CCDC33: variants seen among roughly 807,000 people sequenced by gnomAD.
CCDC33 encodes coiled-coil domain-containing protein 33.
Under a neutral mutation model 91.9 loss-of-function variants are expected in CCDC33, and 94 were observed. The ratio of observed to expected loss-of-function variants is 1.02; its 90% CI spans 0.87 to 1.21. CCDC33 has a LOEUF of 1.21. Among genes scored for constraint, CCDC33 ranks in the 50% most tolerant of loss-of-function variants. The pLI, the probability that CCDC33 is intolerant of heterozygous loss-of-function variation, is 0.00. For synonymous variants in CCDC33, 396 were observed against 374.5 expected (o/e 1.06, Z -0.66); for missense variants, 940 against 935.5 (o/e 1.00, Z -0.06).
chr15:74,268,387 T>A lies in CCDC33; in HGVS notation c.475T>A (p.Leu159Met), dbSNP rs572128186. ...KADEATAKTQLYATVVRKSSF... is the reference protein window; with the variant it reads ...KADEATAKTQMYATVVRKSSF... ...CGATGAAGCCACTGCCAAGACCCAG[T>A]TGTACGCAACAGTCGTTCGGAAGAG... Residue 159 changes from leucine (L) to methionine (M), a missense_variant, in exon 5 of 19, where the codon TTG becomes ATG. Leu to Met is a conservative substitution (Grantham distance 15). Coordinates refer to ENST00000398814, the MANE Select transcript of CCDC33 (RefSeq NM_025055.5). 10 of 1,613,980 alleles carry A rather than the reference T, an allele frequency of 6.2e-6. No homozygotes were observed. The African/African-American group carries it at 8.0e-5, about 13-fold the overall frequency.
chr15:74,221,224 T>TTTG, intron 2 of CCDC33: 1 of 967,174 alleles, frequency 1.0e-6, no homozygotes, highest in South Asian at 4.9e-5. Flanking sequence ...TGGTTTTTTT[T>TTTG]TTTTTTTTTT....
chr15:74,290,067 C>G (rs956698940), intron 10 of CCDC33, among the ~76,000 whole-genome samples: 3 of 152,200 alleles, frequency 2.0e-5, no homozygotes, highest in African/African-American at 7.2e-5. Flanking sequence ...GGATTTCCCC[C>G]CTTCTGAAAA....
chr15:74,253,739 TAGAG>T (rs1400326782), intron 2 of CCDC33, among the ~76,000 whole-genome samples: 1 of 152,134 alleles, frequency 6.6e-6, no homozygotes, highest in Non-Finnish European at 1.5e-5. Flanking sequence ...TGTGATGCAA[TAGAG>T]AGAGGAAGCA....
downstream of CCDC33, chr15:74,336,338 C>A (rs1371953794): frequency 7.3e-7 from 1 of 1,368,760 alleles, no homozygotes; most frequent in Non-Finnish European, 9.6e-7. Flanking sequence ...AAGCAGGGGC[C>A]AGGGAGACGG....
intron 16 of CCDC33, chr15:74,333,407 A>G: frequency 1.0e-6 from 1 of 965,622 alleles, no homozygotes; most frequent in Admixed American, 2.0e-5. Flanking sequence ...CATAAACCCC[A>G]AAGCAGAACA....
chr15:74,280,064 G>A lies in CCDC33; in HGVS notation c.861G>A (p.Leu287=), dbSNP rs1442369798. The A allele has an allele frequency of 6.2e-7, 1 of 1,614,002 alleles. No homozygotes were observed. Among genetic ancestry groups the A allele is most frequent in the African/African-American group, 1.3e-5 (1 of 74,920 alleles). ...CCAGCTTCTCAGAAGACACAGCCCT[G>A]GTGCTGGAGTACTACTCCTCAACTT... ...GATSFSEDTA[L]VLEYYSSTSM... is the part of the protein sequence containing the mutation. Residue 287 remains leucine, a synonymous_variant, in exon 8 of 19, where the codon CTG becomes CTA. Transcript: ENST00000398814.
At chr15:74,278,375 G>C (rs1401895941) in intron 7 of CCDC33, among the ~76,000 whole-genome samples, 1 of 152,274 alleles carries the variant, frequency 6.6e-6, no homozygotes, top group Non-Finnish European at 1.5e-5. Context: ...ACTGATTCCT[G>C]TGGGGGAGCA....
intron 11 of CCDC33, among the ~76,000 whole-genome samples, chr15:74,307,213 G>A (rs966054027): frequency 4.6e-5 from 7 of 152,180 alleles, no homozygotes; most frequent in African/African-American, 1.4e-4. Context: ...AACCAGGAGC[G>A]ACTGGGAGAA....
At chr15:74,317,736 G>A (rs957066956) in intron 11 of CCDC33, among the ~76,000 whole-genome samples, 4 of 152,206 alleles carry the variant, frequency 2.6e-5, no homozygotes, top group African/African-American at 9.6e-5. Flanking sequence ...GGGACAGACA[G>A]GCTGAACCCA....
chr15:74,330,490 C>A, intron 12 of CCDC33, 136 bp downstream of exon 12: 1 of 1,139,826 alleles, frequency 8.8e-7, no homozygotes, highest in Non-Finnish European at 1.2e-6. Flanking sequence ...CCCTCGCCCA[C>A]AGACACTCAC....
intron 1 of CCDC33, among the ~76,000 whole-genome samples, chr15:74,242,952 C>G (rs2075394999): frequency 6.6e-6 from 1 of 152,202 alleles, no homozygotes; most frequent in Non-Finnish European, 1.5e-5. Context: ...TCCACTCCTG[C>G]ACCTTCTCCC....
intron 11 of CCDC33, among the ~76,000 whole-genome samples, chr15:74,313,698 A>G (rs2060037141): frequency 6.6e-6 from 1 of 152,132 alleles, no homozygotes; most frequent in African/African-American, 2.4e-5. Flanking sequence ...AGGGCTATGA[A>G]TGCTGAGCTG....
chr15:74,227,959 AC>A (rs2074852195), intron 2 of CCDC33, among the ~76,000 whole-genome samples: 1 of 151,138 alleles, frequency 6.6e-6, no homozygotes, highest in Non-Finnish European at 1.5e-5. Context: ...CCTGGAAGCC[AC>A]CCTGATTCAC....
chr15:74,208,863 T>C, intron 1 of CCDC33: 1 of 989,630 alleles, frequency 1.0e-6, no homozygotes, highest in Non-Finnish European at 1.2e-6. Flanking sequence ...TATTGATCTC[T>C]CCCGGAAACT....
At chr15:74,265,051 G>C (rs1048937774) in intron 3 of CCDC33, among the ~76,000 whole-genome samples, 1 of 152,146 alleles carries the variant, frequency 6.6e-6, no homozygotes, top group African/African-American at 2.4e-5. Context: ...GAGATACCTT[G>C]GCAAGTGTTC....
chr15:74,254,350 G>A (rs1355467323), intron 2 of CCDC33, among the ~76,000 whole-genome samples: 4 of 152,198 alleles, frequency 2.6e-5, no homozygotes, highest in African/African-American at 9.7e-5. Flanking sequence ...AATTTTTAAA[G>A]AGAAACCAGA....
At chr15:74,229,383 C>G (rs1011439853) in intron 2 of CCDC33, among the ~76,000 whole-genome samples, 2 of 152,152 alleles carry the variant, frequency 1.3e-5, no homozygotes, top group Non-Finnish European at 2.9e-5. Flanking sequence ...ATCCCAGCTA[C>G]TTGGGAGGCC....
chr15:74,268,358 A>G lies in CCDC33; in HGVS notation c.446A>G (p.Lys149Arg). ...TGTCTCCAGCCCACTGAGTCTGGGA[A>G]AGCCGATGAAGCCACTGCCAAGACC... ...FELVKPTESGKADEATAKTQL... is the reference protein window; with the variant it reads ...FELVKPTESGRADEATAKTQL... The change falls in exon 5 of 19, where the codon AAA (lysine) becomes AGA (arginine). Residue 149 changes from lysine to arginine, a missense_variant. Coordinates refer to ENST00000398814, the MANE Select transcript of CCDC33 (RefSeq NM_025055.5). The G allele has an allele frequency of 6.2e-7, 1 of 1,613,812 alleles. No homozygotes were observed. The highest frequency in any genetic ancestry group is 8.5e-7 in the Non-Finnish European group (1 of 1,179,728).
intron 11 of CCDC33, among the ~76,000 whole-genome samples, chr15:74,322,861 A>C (rs2060234086): frequency 6.6e-6 from 1 of 152,168 alleles, no homozygotes; most frequent in Non-Finnish European, 1.5e-5. Context: ...TGGCCGCCCA[A>C]GGAAGGGGAC....
Sources: allele counts gnomAD v4.1 joint callset (sites outside exome capture counted in the v4.1 genomes callset), GRCh38; gene constraint gnomAD v4.1.1; transcripts MANE v1.5; gene names NCBI Gene and HGNC (gene_info 2026-07-23, HGNC 2026-07-21).